Variants in STK26 observed in about 807,000 individuals in gnomAD.
STK26 encodes serine/threonine kinase 26.
Under a neutral mutation model 34.7 loss-of-function variants are expected in STK26, and 14 were observed. The ratio of observed to expected loss-of-function variants is 0.40; its 90% CI spans 0.27 to 0.63. The LOEUF is 0.63. STK26 is among the 30% of genes least tolerant of loss of function. The probability of loss-of-function intolerance (pLI) is 0.38; values close to 1 mark genes in which losing one functional copy is unlikely to be tolerated. For synonymous variants in STK26, 100 were observed against 109.8 expected (o/e 0.91, Z 0.56); for missense variants, 226 against 309.1 (o/e 0.73, Z 2.02).
chrX:132,041,057 C>T (rs963311998), intron 2 of STK26, among the ~76,000 whole-genome samples: 2 of 112,008 alleles, frequency 1.8e-5, no homozygotes, highest in African/African-American at 6.5e-5. Context: ...CAGACATCAT[C>T]TCTTCTTTTG....
intron 2 of STK26, among the ~76,000 whole-genome samples, chrX:132,026,402 A>C (rs1204364834): frequency 8.9e-6 from 1 of 112,001 alleles, no homozygotes; most frequent in East Asian, 2.8e-4. Flanking sequence ...GAGGGTATGA[A>C]GTTTTTTGTA....
chrX:132,026,144 G>C (rs1208838440), intron 2 of STK26, among the ~76,000 whole-genome samples: 1 of 111,965 alleles, frequency 8.9e-6, no homozygotes, highest in Non-Finnish European at 1.9e-5. Context: ...TCCCTCTGAG[G>C]AGAGACGTGA....
At chrX:132,031,086 G>A (rs1004781304) in intron 2 of STK26, among the ~76,000 whole-genome samples, 12 of 110,225 alleles carry the variant, frequency 1.1e-4, no homozygotes, top group Admixed American at 8.7e-4. Flanking sequence ...ACAGGTTGTC[G>A]CCACCATGCC....
intron 2 of STK26, among the ~76,000 whole-genome samples, chrX:132,024,368 A>C (rs1040584549): frequency 9.0e-6 from 1 of 111,464 alleles, no homozygotes; most frequent in Non-Finnish European, 1.9e-5. Context: ...GGACTACTGC[A>C]TGGGACCCAA....
chrX:132,051,502 CT>C (rs1926688599), intron 2 of STK26, among the ~76,000 whole-genome samples: 1 of 111,262 alleles, frequency 9.0e-6, no homozygotes, highest in South Asian at 3.8e-4. Context: ...ACATAGAGCT[CT>C]TTTTTTGGGG....
At chrX:132,060,521 A>G (rs1927011554) in intron 3 of STK26, among the ~76,000 whole-genome samples, 2 of 110,850 alleles carry the variant, frequency 1.8e-5, no homozygotes, top group Non-Finnish European at 3.8e-5. Flanking sequence ...TGCCATTTTA[A>G]GTGTACAGCT....
chrX:132,044,450 T>C (rs897753652), intron 2 of STK26, among the ~76,000 whole-genome samples: 1 of 109,185 alleles, frequency 9.2e-6, no homozygotes, highest in Non-Finnish European at 1.9e-5. Context: ...TATTGTAGAC[T>C]GAGAAAATGG....
At chrX:132,063,611 CAAATT>C in intron 4 of STK26, 122 bp downstream of exon 4, 1 of 577,729 alleles carries the variant, frequency 1.7e-6, no homozygotes, top group Non-Finnish European at 2.7e-6. Context: ...TTAATATGTT[CAAATT>C]AAATTCTTTT....
chrX:132,028,264 T>A (rs1569325313), intron 2 of STK26, among the ~76,000 whole-genome samples: 1 of 110,412 alleles, frequency 9.1e-6, no homozygotes, highest in African/African-American at 3.3e-5. Flanking sequence ...GAAGAAAAAA[T>A]TAATTACCAG....
At chrX:132,034,673 A>G (rs1925981743) in intron 2 of STK26, among the ~76,000 whole-genome samples, 1 of 111,609 alleles carries the variant, frequency 9.0e-6, no homozygotes, top group Non-Finnish European at 1.9e-5. Flanking sequence ...ATATAGTGAA[A>G]TGATGAAATA....
intron 2 of STK26, among the ~76,000 whole-genome samples, chrX:132,037,220 A>G (rs911154182): frequency 4.0e-4 from 45 of 112,028 alleles, no homozygotes; most frequent in African/African-American, 1.4e-3. Context: ...CTAAATATAT[A>G]ATAGTATTGT....
intron 3 of STK26, among the ~76,000 whole-genome samples, chrX:132,059,216 C>A (rs1300440202): frequency 9.0e-6 from 1 of 111,686 alleles, no homozygotes; most frequent in Non-Finnish European, 1.9e-5. Flanking sequence ...CCCATTGTTC[C>A]ATTTCAGGTG....
chrX:132,039,078 A>G (rs1171588484), intron 2 of STK26, among the ~76,000 whole-genome samples: 1 of 111,078 alleles, frequency 9.0e-6, no homozygotes, highest in African/African-American at 3.3e-5. Flanking sequence ...CTGTTCCAGG[A>G]TAGAGACAGT....
chrX:132,034,558 T>C (rs1336040419), intron 2 of STK26, among the ~76,000 whole-genome samples: 1 of 110,910 alleles, frequency 9.0e-6, no homozygotes, highest in Non-Finnish European at 1.9e-5. Flanking sequence ...CCTCCCAAAG[T>C]GCTGGGATTA....
chrX:132,072,474 C>A, intron 9 of STK26, 113 bp downstream of exon 9: 1 of 626,097 alleles, frequency 1.6e-6, no homozygotes, highest in Admixed American at 3.1e-5. Context: ...CTGTCTGCCT[C>A]ACTGTGTTTG....
intron 3 of STK26, among the ~76,000 whole-genome samples, chrX:132,060,896 C>A (rs767758018): frequency 9.0e-6 from 1 of 111,018 alleles, no homozygotes; most frequent in South Asian, 3.8e-4. Flanking sequence ...GGATTACAGG[C>A]GTGTTGTGCA....
intron 4 of STK26, among the ~76,000 whole-genome samples, chrX:132,066,755 A>G (rs925951107): frequency 8.9e-6 from 1 of 112,035 alleles, no homozygotes; most frequent in Non-Finnish European, 1.9e-5. Flanking sequence ...ATACTGGCTT[A>G]TTTATGTTAC....
In STK26 at chrX:132,071,172, C is replaced by T; in HGVS notation, c.887C>T (p.Ala296Val). Residue 296 changes from alanine to valine, a missense_variant, in exon 8 of 12, where the codon GCA (alanine) becomes GTA (valine). Around this residue, in one of 2 missense-constraint regions of STK26, gnomAD observed 126 missense variants for 132.4 expected, o/e 0.95. Transcript: ENST00000394334. ...ELIDRFKRWKAEGHSDDESDS... is the reference protein window; with the variant it reads ...ELIDRFKRWKVEGHSDDESDS... ...ATAGATCGTTTTAAGAGATGGAAGG[C>T]AGAAGGACACAGTGATGATGAATCT... 3.3e-6 allele frequency: 4 copies of T among 1,210,187 alleles called. No individual in the cohort carries two copies. The highest frequency in any genetic ancestry group is 2.2e-6 in the Non-Finnish European group (2 of 894,371).
intron 3 of STK26, chrX:132,055,568 A>G: frequency 1.0e-6 from 1 of 1,004,369 alleles, no homozygotes; most frequent in African/African-American, 1.9e-5. Context: ...AGAAGTCAGG[A>G]TTCGTGTCTG....
Sources: allele counts gnomAD v4.1 joint callset (sites outside exome capture counted in the v4.1 genomes callset), GRCh38; gene constraint gnomAD v4.1.1; regional missense constraint gnomAD v4.1.1; transcripts MANE v1.5; gene names NCBI Gene and HGNC (gene_info 2026-07-23, HGNC 2026-07-21).